Variants in CRIM1 observed in about 807,000 individuals in gnomAD.
CRIM1 encodes the protein cysteine-rich motor neuron 1 protein.
CRIM1 carries 32 observed loss-of-function variants against 116.4 expected under a neutral mutation model. That is an observed-to-expected ratio of 0.27 (90% CI 0.21 to 0.37). The LOEUF is 0.37. Among genes scored for constraint, CRIM1 ranks in the 10% least tolerant of loss-of-function variants. The probability of loss-of-function intolerance (pLI) is 1.00; values close to 1 mark genes in which losing one functional copy is unlikely to be tolerated. For synonymous variants in CRIM1, 590 were observed against 509.2 expected (o/e 1.16, Z -2.13); for missense variants, 1,331 against 1,354.8 (o/e 0.98, Z 0.28).
chr2:36,461,597 C>T (rs1677585214), intron 4 of CRIM1, among the ~76,000 whole-genome samples: 1 of 152,146 alleles, frequency 6.6e-6, no homozygotes, highest in African/African-American at 2.4e-5. Flanking sequence ...GGGAAGAATA[C>T]CTCCTGCAGT....
intron 14 of CRIM1, among the ~76,000 whole-genome samples, chr2:36,538,583 T>A (rs945545180): frequency 1.3e-5 from 2 of 152,238 alleles, no homozygotes; most frequent in Non-Finnish European, 1.5e-5. Flanking sequence ...CCAAAGAGTT[T>A]AAGTGAGCTC....
At chr2:36,423,502 G>C (rs1016690052) in intron 2 of CRIM1, among the ~76,000 whole-genome samples, 3 of 152,212 alleles carry the variant, frequency 2.0e-5, no homozygotes, top group Non-Finnish European at 4.4e-5. Context: ...ATTGTGTACA[G>C]ACATTTCCAA....
intron 2 of CRIM1, among the ~76,000 whole-genome samples, chr2:36,425,061 C>T (rs1053593967): frequency 6.6e-6 from 1 of 152,128 alleles, no homozygotes; most frequent in African/African-American, 2.4e-5. Context: ...AAGTCAGGCC[C>T]GGGACTGAGT....
intron 14 of CRIM1, among the ~76,000 whole-genome samples, chr2:36,543,225 A>C (rs1667071867): frequency 6.6e-6 from 1 of 152,152 alleles, no homozygotes; most frequent in African/African-American, 2.4e-5. Flanking sequence ...GATTTAACTT[A>C]ACCTCTCTGG....
intron 1 of CRIM1, among the ~76,000 whole-genome samples, chr2:36,368,355 T>C (rs1318787441): frequency 6.6e-6 from 1 of 152,218 alleles, no homozygotes; most frequent in Non-Finnish European, 1.5e-5. Flanking sequence ...ACAGCAAATA[T>C]TCACTAAATA....
chr2:36,403,888 CAG>C (rs963369699), intron 2 of CRIM1, among the ~76,000 whole-genome samples: 8 of 152,166 alleles, frequency 5.3e-5, no homozygotes, highest in Non-Finnish European at 8.8e-5. Context: ...GTCTGGAACT[CAG>C]AGAGAGATCT....
At chr2:36,504,559 G>T (rs1200080211) in intron 8 of CRIM1, among the ~76,000 whole-genome samples, 1 of 152,158 alleles carries the variant, frequency 6.6e-6, no homozygotes, top group Non-Finnish European at 1.5e-5. Flanking sequence ...ACTAAGAAAA[G>T]TAGTACTCCA....
chr2:36,426,435 T>C (rs1344293687), intron 2 of CRIM1, among the ~76,000 whole-genome samples: 1 of 152,232 alleles, frequency 6.6e-6, no homozygotes, highest in African/African-American at 2.4e-5. Context: ...AATAGCCACC[T>C]GTATCAAACA....
chr2:36,512,069 G>A lies in CRIM1; in HGVS notation c.1659-204G>A, dbSNP rs147223487. 3.3e-5 allele frequency among the ~76,000 whole-genome samples: 5 copies of A among 152,342 alleles called. 1 individual carries two copies. In the East Asian group the frequency reaches 9.7e-4, roughly 29 times the overall value. On this transcript the variant is annotated intron_variant, in intron 9 of 16. Coordinates refer to ENST00000280527, the MANE Select transcript of CRIM1 (RefSeq NM_016441.3). ...ACATCCTAGAAGCACGTAAGTGCTT[G>A]GGCAACTCTCTGCCTTGGTCATGAG...
rs757716163 is a variant in CRIM1, at chr2:36,396,749, G to A, written c.467G>A (p.Ser156Asn). ...RTCSNPFEFPSQDMCLSALKR... is the reference protein window; with the variant it reads ...RTCSNPFEFPNQDMCLSALKR... ...TGCAGCAATCCCTTTGAGTTTCCAA[G>A]TCAGGATATGTGCCTTTCAGCTTTA... Residue 156 changes from serine to asparagine, a missense_variant, in exon 2 of 17, where the codon AGT (serine) becomes AAT (asparagine). Ser to Asn is a conservative substitution (Grantham distance 46, BLOSUM62 1). This residue lies in a region of CRIM1 where 690 missense variants were observed against 676.0 expected (regional missense o/e 1.02). Transcript: ENST00000280527. The A allele has an allele frequency of 1.1e-5, 18 of 1,613,478 alleles. No homozygotes were observed. The highest frequency in any genetic ancestry group is 1.6e-4 in the Middle Eastern group (1 of 6,062).
In CRIM1 at chr2:36,458,504, A is replaced by G. The variant is rs374188729; in HGVS notation, c.870-6030A>G. ...GAAACATGCCTAGTGGTAGGGAGACAACAGCATCTAGCATGTTGTTTCTTT... is the reference window on the plus strand; with the variant it reads ...GAAACATGCCTAGTGGTAGGGAGACGACAGCATCTAGCATGTTGTTTCTTT... On this transcript the variant is annotated intron_variant, in intron 4 of 16. Coordinates refer to ENST00000280527, the MANE Select transcript of CRIM1 (RefSeq NM_016441.3). 6.6e-5 allele frequency among the ~76,000 whole-genome samples: 10 copies of G among 152,310 alleles called. No individual in the cohort carries two copies. In the East Asian group the frequency reaches 1.2e-3, roughly 18 times the overall value.
intron 2 of CRIM1, among the ~76,000 whole-genome samples, chr2:36,417,034 A>G (rs1275025834): frequency 1.3e-5 from 2 of 152,126 alleles, no homozygotes; most frequent in Admixed American, 6.5e-5. Flanking sequence ...TCAGCAGGTA[A>G]CAGACGTGGC....
chr2:36,540,621 A>G (rs998419445), intron 14 of CRIM1, among the ~76,000 whole-genome samples: 2 of 152,236 alleles, frequency 1.3e-5, no homozygotes, highest in African/African-American at 4.8e-5. Flanking sequence ...GGCCTTAATT[A>G]TCAAATGAAG....
chr2:36,498,577 T>G (rs1680764327), intron 7 of CRIM1, among the ~76,000 whole-genome samples: 2 of 152,206 alleles, frequency 1.3e-5, no homozygotes, highest in Admixed American at 6.5e-5. Flanking sequence ...TTAGTGCCCT[T>G]ATTCCCAGCA....
At chr2:36,462,169 T>C (rs1403198792) in intron 4 of CRIM1, among the ~76,000 whole-genome samples, 1 of 152,134 alleles carries the variant, frequency 6.6e-6, no homozygotes, top group Non-Finnish European at 1.5e-5. Flanking sequence ...CAACTTCAGC[T>C]CTTCTGTAGC....
At chr2:36,363,580 A>C (rs1334755676) in intron 1 of CRIM1, among the ~76,000 whole-genome samples, 2 of 141,968 alleles carry the variant, frequency 1.4e-5, no homozygotes, top group Non-Finnish European at 3.0e-5. Flanking sequence ...TGATTTCTAC[A>C]AAGTTTGTAT....
At chr2:36,548,075 A>T (rs1327871807) in intron 16 of CRIM1, among the ~76,000 whole-genome samples, 2 of 152,020 alleles carry the variant, frequency 1.3e-5, no homozygotes, top group African/African-American at 4.8e-5. Context: ...CAAAGCTGGG[A>T]AACAGACCCG....
chr2:36,548,700 G>A lies in CRIM1; in HGVS notation c.3110G>A (p.Ter1037=), dbSNP rs756489446. The change falls in exon 17 of 17, where the codon TGA becomes TAA. Residue 1037 remains the stop codon, a stop_retained_variant. Coordinates refer to ENST00000280527, the MANE Select transcript of CRIM1 (RefSeq NM_016441.3). ...GCAGACAATTTCTACCAAACAGTGT[G>A]AAGAAAGGCAACTAGGATGAGGTTT... ...LQADNFYQTV[*] The A allele has an allele frequency of 6.3e-7, 1 of 1,577,314 alleles. No individual in the cohort carries two copies. The highest frequency in any genetic ancestry group is 2.0e-5 in the Admixed American group (1 of 49,844).
intron 11 of CRIM1, among the ~76,000 whole-genome samples, chr2:36,514,852 G>A (rs1415647624): frequency 1.3e-5 from 2 of 152,202 alleles, no homozygotes; most frequent in Non-Finnish European, 2.9e-5. Context: ...ATTCTGCACA[G>A]CTCAATAGCT....
Sources: gnomAD v4.1 joint callset for allele counts (sites outside exome capture counted in the v4.1 genomes callset) on GRCh38, gnomAD v4.1.1 for gene constraint, gnomAD v4.1.1 regional missense constraint, MANE v1.5 for transcripts, NCBI Gene and HGNC (gene_info 2026-07-23, HGNC 2026-07-21) for gene names.